The following RASEF variants were observed in gnomAD, a reference collection of about 807,000 sequenced individuals.
RASEF encodes the protein ras and EF-hand domain-containing protein.
A neutral mutation model predicts 90.1 loss-of-function variants in RASEF; 68 were observed. The observed-to-expected ratio is 0.75, with a 90% CI of 0.62 to 0.92. The LOEUF is 0.92. Among genes scored for constraint, RASEF ranks in the 40% least tolerant of loss-of-function variants. The pLI, the probability that RASEF is intolerant of heterozygous loss-of-function variation, is 0.00. For synonymous variants in RASEF, 331 were observed against 345.2 expected (o/e 0.96, Z 0.46); for missense variants, 949 against 937.2 (o/e 1.01, Z -0.16).
chr9:83,060,806 G>A (rs1206042945), intron 1 of RASEF, among the ~76,000 whole-genome samples: 1 of 152,184 alleles, frequency 6.6e-6, no homozygotes, highest in East Asian at 1.9e-4. Flanking sequence ...ATCAGGAGGT[G>A]AGGCTTAGGA....
At chr9:83,047,777 A>G (rs576061541) in intron 1 of RASEF, among the ~76,000 whole-genome samples, 1 of 152,362 alleles carries the variant, frequency 6.6e-6, no homozygotes, top group South Asian at 2.1e-4. Context: ...CCACAAACTT[A>G]GAAGGGAAAT....
chr9:83,084,552 G>A, the RASEF span, among the ~76,000 whole-genome samples: 365 of 152,276 alleles, frequency 2.4e-3, no homozygotes, highest in African/African-American at 8.6e-3. Context: ...TCAAAGGATT[G>A]TGGGGGCGAC....
At chr9:83,173,458 T>G in the RASEF span, among the ~76,000 whole-genome samples, 1 of 151,764 alleles carries the variant, frequency 6.6e-6, no homozygotes, top group Non-Finnish European at 1.5e-5. Flanking sequence ...ACTGTGTATT[T>G]TCAAATAGTC....
intron 13 of RASEF, 47 bp downstream of exon 13, chr9:82,998,318 G>C (rs1295237689): frequency 8.2e-6 from 10 of 1,217,116 alleles, no homozygotes; most frequent in Non-Finnish European, 1.2e-5. Context: ...TGCAAGGCTT[G>C]TTAATGCAAA....
the RASEF span, among the ~76,000 whole-genome samples, chr9:83,170,833 G>C: frequency 1.3e-5 from 2 of 151,790 alleles, no homozygotes; most frequent in South Asian, 4.2e-4. Context: ...GAAGTCTTTA[G>C]GATTTTTCTA....
intron 1 of RASEF, among the ~76,000 whole-genome samples, chr9:83,043,400 G>GT (rs1554709868): frequency 1.7e-5 from 1 of 59,826 alleles, no homozygotes; most frequent in African/African-American, 4.1e-5. Flanking sequence ...CAGTGATTGG[G>GT]GGGGGGGACC....
the RASEF span, among the ~76,000 whole-genome samples, chr9:83,163,093 G>T: frequency 1.3e-5 from 2 of 152,114 alleles, no homozygotes; most frequent in African/African-American, 2.4e-5. Flanking sequence ...AAGTGACCTG[G>T]GAGAAAAGAA....
At chr9:83,001,988 G>T (rs1829048910) in intron 9 of RASEF, among the ~76,000 whole-genome samples, 1 of 152,184 alleles carries the variant, frequency 6.6e-6, no homozygotes. Flanking sequence ...GATTTTATAA[G>T]TGAGGGAGAA....
chr9:83,048,961 T>G, intron 1 of RASEF: 1 of 171,150 alleles, frequency 5.8e-6, no homozygotes, highest in East Asian at 1.9e-4. Context: ...CTATCTGTAC[T>G]AAAAATACAA....
chr9:83,078,967 T>G, the RASEF span, among the ~76,000 whole-genome samples: 2 of 152,212 alleles, frequency 1.3e-5, no homozygotes, highest in African/African-American at 2.4e-5. Flanking sequence ...GTCAGACGTA[T>G]AGTTTGCAAA....
At chr9:83,129,883 C>T in the RASEF span, among the ~76,000 whole-genome samples, 1 of 152,168 alleles carries the variant, frequency 6.6e-6, no homozygotes, top group African/African-American at 2.4e-5. Context: ...AAATATGCAA[C>T]ACAAGGAAAC....
the RASEF span, among the ~76,000 whole-genome samples, chr9:83,147,061 A>ATAT: frequency 2.3e-4 from 28 of 120,428 alleles, no homozygotes; most frequent in Admixed American, 1.1e-3. Flanking sequence ...TATATATATA[A>ATAT]ATATGTACAT....
chr9:82,989,968 C>T (rs1253416447), intron 16 of RASEF, among the ~76,000 whole-genome samples: 1 of 152,092 alleles, frequency 6.6e-6, no homozygotes, highest in East Asian at 1.9e-4. Context: ...TAATAATTAC[C>T]TGGGTAATAA....
chr9:83,144,386 A>AT, the RASEF span, among the ~76,000 whole-genome samples: 1 of 52,106 alleles, frequency 1.9e-5, no homozygotes, highest in African/African-American at 1.0e-4. Context: ...AAAGAAAGAA[A>AT]GAAAGGAAAG....
At chr9:83,133,513 T>C in the RASEF span, among the ~76,000 whole-genome samples, 1 of 142,820 alleles carries the variant, frequency 7.0e-6, no homozygotes, top group African/African-American at 3.1e-5. Flanking sequence ...ACTATATGAA[T>C]ACGTCGAATG....
intron 2 of RASEF, 64 bp from the exon 3 acceptor site, chr9:83,022,490 T>C (rs1829462536): frequency 1.7e-6 from 2 of 1,198,594 alleles, no homozygotes; most frequent in Non-Finnish European, 2.5e-6. Flanking sequence ...GAAGAGAAAC[T>C]TCAGATTCAT....
At chr9:83,213,740 C>G in the RASEF span, among the ~76,000 whole-genome samples, 19,464 of 152,218 alleles carry the variant, frequency 0.13, 1,450 homozygotes, top group East Asian at 0.19. Flanking sequence ...TATCTCTCCT[C>G]TCATGCCGAG....
At chr9:83,146,808 CA>C in the RASEF span, among the ~76,000 whole-genome samples, 1 of 152,078 alleles carries the variant, frequency 6.6e-6, no homozygotes, top group South Asian at 2.1e-4. Flanking sequence ...ACCTCAGGAA[CA>C]AAATTAGGCA....
the RASEF span, among the ~76,000 whole-genome samples, chr9:83,131,812 C>T: frequency 6.6e-6 from 1 of 152,100 alleles, no homozygotes; most frequent in Non-Finnish European, 1.5e-5. Context: ...ATATAGTCAG[C>T]CCAAATCATC....
Sources: gnomAD v4.1 joint callset for allele counts (sites outside exome capture counted in the v4.1 genomes callset) on GRCh38, gnomAD v4.1.1 for gene constraint, MANE v1.5 for transcripts, NCBI Gene and HGNC (gene_info 2026-07-23, HGNC 2026-07-21) for gene names.